Variants in RNF13 observed in about 807,000 individuals in gnomAD.
RNF13 encodes the protein ring finger protein 13.
In RNF13, 19 loss-of-function variants were observed where a neutral mutation model predicts 37.7. That is an observed-to-expected ratio of 0.50 (90% CI 0.35 to 0.74). The LOEUF (loss-of-function observed/expected upper bound fraction) is 0.74, where lower values mean the gene tolerates loss of function less well. RNF13 is among the 30% of genes least tolerant of loss of function. The probability of loss-of-function intolerance (pLI) is 0.01; values close to 1 mark genes in which losing one functional copy is unlikely to be tolerated. For synonymous variants in RNF13, 144 were observed against 157.8 expected (o/e 0.91, Z 0.65); for missense variants, 375 against 453.0 (o/e 0.83, Z 1.56).
chr3:149,884,811 A>G (rs1713832301), intron 4 of RNF13, among the ~76,000 whole-genome samples: 1 of 151,754 alleles, frequency 6.6e-6, no homozygotes, highest in East Asian at 1.9e-4. Flanking sequence ...TAACTATAGT[A>G]ACCCTGTTGT....
intron 8 of RNF13, among the ~76,000 whole-genome samples, chr3:149,925,415 A>G (rs1377158408): frequency 6.6e-6 from 1 of 152,166 alleles, no homozygotes; most frequent in Non-Finnish European, 1.5e-5. Flanking sequence ...CTGGTTTATG[A>G]TAATTTCACT....
chr3:149,925,966 A>G (rs1467935855), intron 8 of RNF13, among the ~76,000 whole-genome samples: 1 of 152,160 alleles, frequency 6.6e-6, no homozygotes, highest in Non-Finnish European at 1.5e-5. Flanking sequence ...ATGAGGTTAA[A>G]TATCTGTTCA....
chr3:149,939,965 C>T (rs1720092085), intron 8 of RNF13, among the ~76,000 whole-genome samples: 1 of 152,082 alleles, frequency 6.6e-6, no homozygotes, highest in Admixed American at 6.6e-5. Context: ...TTATCTGATC[C>T]ACTCTGACAA....
intron 1 of RNF13, among the ~76,000 whole-genome samples, chr3:149,841,796 AT>A (rs1722207545): frequency 6.6e-6 from 1 of 151,846 alleles, no homozygotes; most frequent in South Asian, 2.1e-4. Context: ...TGCCTGGCTA[AT>A]TTTTGTATTT....
chr3:149,855,098 T>C (rs763836305), intron 3 of RNF13, among the ~76,000 whole-genome samples: 1 of 152,010 alleles, frequency 6.6e-6, no homozygotes, highest in Non-Finnish European at 1.5e-5. Flanking sequence ...CCAAGGTGGG[T>C]AGATCACTTC....
At chr3:149,918,443 G>C (rs1717771973) in intron 7 of RNF13, among the ~76,000 whole-genome samples, 1 of 152,078 alleles carries the variant, frequency 6.6e-6, no homozygotes. Context: ...CTCTCCTAAT[G>C]ATGCTTTTTG....
chr3:149,878,360 A>G (rs991258895), intron 4 of RNF13, among the ~76,000 whole-genome samples: 3 of 152,196 alleles, frequency 2.0e-5, no homozygotes, highest in African/African-American at 7.2e-5. Context: ...ACTGAACTAT[A>G]ATATTAATGA....
intron 1 of RNF13, among the ~76,000 whole-genome samples, chr3:149,819,053 G>C (rs554741141): frequency 2.0e-5 from 3 of 152,158 alleles, no homozygotes; most frequent in Non-Finnish European, 4.4e-5. Flanking sequence ...TAATTAGCTG[G>C]GTGATTTTGC....
intron 8 of RNF13, among the ~76,000 whole-genome samples, chr3:149,941,968 T>G (rs2108581840): frequency 6.6e-6 from 1 of 151,968 alleles, no homozygotes; most frequent in South Asian, 2.1e-4. Context: ...AAGGAGACTG[T>G]CCTTTATTCA....
At chr3:149,903,767 T>A (rs897168148) in intron 6 of RNF13, among the ~76,000 whole-genome samples, 2 of 152,204 alleles carry the variant, frequency 1.3e-5, no homozygotes, top group African/African-American at 4.8e-5. Flanking sequence ...CAAATTAATG[T>A]ATCTGCAATA....
chr3:149,829,959 A>G (rs1312278960), intron 1 of RNF13, among the ~76,000 whole-genome samples: 4 of 151,552 alleles, frequency 2.6e-5, no homozygotes. Context: ...GTTCTCCTGC[A>G]CATGCTCTCT....
At chr3:149,834,455 A>G (rs55644539) in intron 1 of RNF13, among the ~76,000 whole-genome samples, 1 of 152,246 alleles carries the variant, frequency 6.6e-6, no homozygotes, top group Non-Finnish European at 1.5e-5. Flanking sequence ...TGCTCAAATA[A>G]CTTTTGACAG....
intron 2 of RNF13, among the ~76,000 whole-genome samples, chr3:149,848,256 C>T (rs746094591): frequency 1.3e-5 from 2 of 152,080 alleles, no homozygotes; most frequent in Admixed American, 6.5e-5. Flanking sequence ...AGCAGTGTTC[C>T]TTGTGCTTTA....
chr3:149,851,133 T>G (rs1723084389), intron 2 of RNF13: 1 of 152,184 alleles, frequency 6.6e-6, no homozygotes, highest in Admixed American at 6.5e-5. Flanking sequence ...GCTAAGACAC[T>G]CAAGATAGGG....
At chr3:149,917,831 G>T (rs1379621141) in intron 7 of RNF13, among the ~76,000 whole-genome samples, 1 of 152,148 alleles carries the variant, frequency 6.6e-6, no homozygotes, top group Non-Finnish European at 1.5e-5. Flanking sequence ...GTTCGAACTT[G>T]TGAATTTGTT....
chr3:149,897,138 G>A (rs1416608241), intron 5 of RNF13, among the ~76,000 whole-genome samples: 1 of 152,170 alleles, frequency 6.6e-6, no homozygotes, highest in African/African-American at 2.4e-5. Context: ...TTTGTGATCT[G>A]TATACATTTA....
rs1348674752 is a variant in RNF13, at chr3:149,819,322, C to T, written c.-17+5969C>T. The stretch of plus-strand genomic sequence containing the variant: ...TTGATGCTATTTACCGGTAAGATTA[C>T]ATTGTAATTTTTTAAAATAGAGCAA... On this transcript the variant is annotated intron_variant, in intron 1 of 9. Transcript: ENST00000392894. Among the ~76,000 whole-genome samples the T allele has an allele frequency of 4.6e-5, 7 of 152,128 alleles. 1 individual carries two copies. In the South Asian group the frequency reaches 1.5e-3, roughly 32 times the overall value.
intron 8 of RNF13, among the ~76,000 whole-genome samples, chr3:149,934,719 A>C (rs1719507585): frequency 6.6e-6 from 1 of 151,750 alleles, no homozygotes; most frequent in Non-Finnish European, 1.5e-5. Context: ...GCAGTTGCAC[A>C]ATCTCAGCTC....
chr3:149,946,078 A>C (rs1720746145), intron 8 of RNF13, among the ~76,000 whole-genome samples: 1 of 152,238 alleles, frequency 6.6e-6, no homozygotes, highest in African/African-American at 2.4e-5. Flanking sequence ...AATGACTTTG[A>C]CAAGTTGAGA....
Sources: allele counts gnomAD v4.1 joint callset (sites outside exome capture counted in the v4.1 genomes callset), GRCh38; gene constraint gnomAD v4.1.1; transcripts MANE v1.5; gene names NCBI Gene and HGNC (gene_info 2026-07-23, HGNC 2026-07-21).